CPA6: variants seen among roughly 807,000 people sequenced by gnomAD.
CPA6 encodes carboxypeptidase B.
In CPA6, 58 loss-of-function variants were observed where a neutral mutation model predicts 63.3. That is an observed-to-expected ratio of 0.92 (90% CI 0.74 to 1.14). The LOEUF (loss-of-function observed/expected upper bound fraction) is 1.14, where lower values mean the gene tolerates loss of function less well. Among genes scored for constraint, CPA6 ranks in the 50% most tolerant of loss-of-function variants. CPA6 has a pLI of 0.00. For synonymous variants in CPA6, 185 were observed against 179.0 expected (o/e 1.03, Z -0.27); for missense variants, 565 against 526.6 (o/e 1.07, Z -0.71).
intron 2 of CPA6, among the ~76,000 whole-genome samples, chr8:67,564,532 T>C (rs895488164): frequency 2.0e-5 from 3 of 152,088 alleles, no homozygotes; most frequent in African/African-American, 7.2e-5. Context: ...TGAATTCTTA[T>C]ACAAGTGAGT....
chr8:67,432,239 T>C (rs1810043445), intron 9 of CPA6, among the ~76,000 whole-genome samples: 1 of 152,162 alleles, frequency 6.6e-6, no homozygotes, highest in Non-Finnish European at 1.5e-5. Flanking sequence ...AGGCCAGAGA[T>C]TGAGTCCAAA....
chr8:67,694,074 G>A (rs1241896023), intron 1 of CPA6, among the ~76,000 whole-genome samples: 2 of 152,154 alleles, frequency 1.3e-5, no homozygotes, highest in East Asian at 1.9e-4. Flanking sequence ...TCTTCATTTG[G>A]GTGTATTACT....
intron 8 of CPA6, among the ~76,000 whole-genome samples, chr8:67,444,714 C>T (rs1454273184): frequency 4.1e-5 from 6 of 146,520 alleles, no homozygotes; most frequent in African/African-American, 1.3e-4. Context: ...ACCCGGGAGA[C>T]GGAGGTTGCA....
At chr8:67,532,201 A>C (rs551348002) in intron 2 of CPA6, among the ~76,000 whole-genome samples, 168 of 152,314 alleles carry the variant, frequency 1.1e-3, no homozygotes, top group African/African-American at 3.7e-3. Context: ...GTATGGACCA[A>C]CCAAACAAAA....
At chr8:67,623,572 C>T (rs1011039161) in intron 2 of CPA6, among the ~76,000 whole-genome samples, 15 of 152,086 alleles carry the variant, frequency 9.9e-5, no homozygotes, top group African/African-American at 3.6e-4. Flanking sequence ...GCTGGGACTA[C>T]AGGCATGTGA....
intron 2 of CPA6, among the ~76,000 whole-genome samples, chr8:67,561,845 T>A (rs934948762): frequency 6.6e-6 from 1 of 152,218 alleles, no homozygotes; most frequent in Non-Finnish European, 1.5e-5. Context: ...TTCTTTATAC[T>A]ACACTTCCAA....
chr8:67,428,803 G>C (rs577817189), intron 9 of CPA6, among the ~76,000 whole-genome samples: 14 of 152,250 alleles, frequency 9.2e-5, no homozygotes, highest in African/African-American at 2.9e-4. Flanking sequence ...ATTTCTATAA[G>C]TTACAAAATA....
intron 2 of CPA6, among the ~76,000 whole-genome samples, chr8:67,606,195 G>T (rs370065043): frequency 8.0e-6 from 1 of 124,826 alleles, no homozygotes; most frequent in Admixed American, 8.6e-5. Flanking sequence ...GGTGGGGGAG[G>T]GGGGAGGGAT....
At chr8:67,512,296 A>T (rs1162627937) in intron 3 of CPA6, among the ~76,000 whole-genome samples, 1 of 152,044 alleles carries the variant, frequency 6.6e-6, no homozygotes, top group Non-Finnish European at 1.5e-5. Context: ...TCACCAAGAG[A>T]CTATGCTCAT....
chr8:67,576,570 C>T (rs1377177423), intron 2 of CPA6, among the ~76,000 whole-genome samples: 1 of 152,162 alleles, frequency 6.6e-6, no homozygotes, highest in Non-Finnish European at 1.5e-5. Context: ...CACTATCAAG[C>T]ATATTTCTGA....
At chr8:67,632,157 TGTG>T (rs1815353107) in intron 1 of CPA6, among the ~76,000 whole-genome samples, 2 of 85,158 alleles carry the variant, frequency 2.3e-5, no homozygotes, top group African/African-American at 1.0e-4. Flanking sequence ...GCTGTGTGTG[TGTG>T]TGTGTGTGTG....
intron 2 of CPA6, among the ~76,000 whole-genome samples, chr8:67,583,959 C>A (rs779278388): frequency 2.0e-5 from 3 of 151,826 alleles, no homozygotes; most frequent in Non-Finnish European, 4.4e-5. Flanking sequence ...AGATCGAGAC[C>A]ATCCTGGCCA....
At position 67,681,365 on chromosome 8, in the gene CPA6, G is replaced by A. The variant is rs899532082; in HGVS notation, c.117-57114C>T. On this transcript the variant is annotated intron_variant, in intron 1 of 10. Transcript: ENST00000297770. ...GCTGGGACTACAGGCGCCCGCCACCGTGCCCGGCTAATTTTTTGTATTTTT... is the reference window on the plus strand; with the variant it reads ...GCTGGGACTACAGGCGCCCGCCACCATGCCCGGCTAATTTTTTGTATTTTT... Among the ~76,000 whole-genome samples, 62 of 149,544 alleles carry A rather than the reference G, an allele frequency of 4.1e-4. 1 individual carries two copies. The highest frequency in any genetic ancestry group is 3.4e-3 in the Admixed American group (52 of 15,110).
intron 8 of CPA6, among the ~76,000 whole-genome samples, chr8:67,447,850 T>C (rs1263529716): frequency 6.6e-6 from 1 of 152,188 alleles, no homozygotes; most frequent in African/African-American, 2.4e-5. Flanking sequence ...AGTGGCACCA[T>C]CTCAGCTCAC....
intron 2 of CPA6, among the ~76,000 whole-genome samples, chr8:67,586,226 A>G (rs1813929390): frequency 6.6e-6 from 1 of 152,104 alleles, no homozygotes; most frequent in South Asian, 2.1e-4. Context: ...GTTGAGGATG[A>G]GAGTAAGTCA....
chr8:67,486,841 C>T (rs953541672), intron 6 of CPA6, among the ~76,000 whole-genome samples: 4 of 151,584 alleles, frequency 2.6e-5, no homozygotes, highest in Admixed American at 2.0e-4. Context: ...GACTTCTGCT[C>T]TTTAACATTT....
intron 10 of CPA6, among the ~76,000 whole-genome samples, chr8:67,427,763 C>A (rs1015410433): frequency 6.6e-6 from 1 of 152,050 alleles, no homozygotes; most frequent in African/African-American, 2.4e-5. Flanking sequence ...CTTAAGGAGC[C>A]CATTTTGGTA....
At chr8:67,439,381 G>A (rs975345653) in intron 8 of CPA6, among the ~76,000 whole-genome samples, 1 of 152,012 alleles carries the variant, frequency 6.6e-6, no homozygotes, top group South Asian at 2.1e-4. Context: ...GAGGTAAGGA[G>A]TTTGAGACCT....
At chr8:67,521,669 T>C (rs1355721944) in intron 2 of CPA6, among the ~76,000 whole-genome samples, 1 of 152,178 alleles carries the variant, frequency 6.6e-6, no homozygotes, top group Admixed American at 6.5e-5. Context: ...CATGGTGAGA[T>C]TGTGTCCCCA....
Sources: allele counts gnomAD v4.1 joint callset (sites outside exome capture counted in the v4.1 genomes callset), GRCh38; gene constraint gnomAD v4.1.1; transcripts MANE v1.5; gene names NCBI Gene and HGNC (gene_info 2026-07-23, HGNC 2026-07-21).